The following SETD2 variants were observed in gnomAD, a reference collection of about 807,000 sequenced individuals.
SETD2 encodes histone-lysine N-methyltransferase SETD2.
Under a neutral mutation model 242.1 loss-of-function variants are expected in SETD2, and 31 were observed. The ratio of observed to expected loss-of-function variants is 0.13; its 90% CI spans 0.10 to 0.17. SETD2 has a LOEUF of 0.17. Ranked by LOEUF, SETD2 falls within the 10% of genes least tolerant of loss-of-function variation. SETD2 has a pLI of 1.00. For synonymous variants in SETD2, 1,006 were observed against 1,066.5 expected (o/e 0.94, Z 1.11); for missense variants, 2,481 against 3,046.3 (o/e 0.81, Z 4.37).
intron 18 of SETD2, among the ~76,000 whole-genome samples, chr3:47,033,650 T>G (rs2038874321): frequency 7.7e-6 from 1 of 129,664 alleles, no homozygotes. Context: ...TGTCATGGTT[T>G]GATTTTTTTT....
intron 6 of SETD2, among the ~76,000 whole-genome samples, chr3:47,105,238 C>T (rs1447253929): frequency 6.6e-6 from 1 of 151,792 alleles, no homozygotes; most frequent in African/African-American, 2.4e-5. Flanking sequence ...GGCAAAACCC[C>T]GTCTCTACTA....
intron 9 of SETD2, among the ~76,000 whole-genome samples, chr3:47,093,579 T>C (rs936830636): frequency 6.6e-6 from 1 of 152,138 alleles, no homozygotes; most frequent in Non-Finnish European, 1.5e-5. Flanking sequence ...CCACTGCGCC[T>C]GGCCCATTCT....
chr3:47,083,265 T>C (rs892708544), intron 12 of SETD2, among the ~76,000 whole-genome samples: 4 of 152,212 alleles, frequency 2.6e-5, no homozygotes, highest in Non-Finnish European at 5.9e-5. Flanking sequence ...ACTAGTTCCA[T>C]AAAGTTGTTT....
chr3:47,072,119 TA>T (rs1324797573), intron 12 of SETD2, among the ~76,000 whole-genome samples: 1 of 151,728 alleles, frequency 6.6e-6, no homozygotes, highest in Non-Finnish European at 1.5e-5. Context: ...CCATCCTGGC[TA>T]ACACGGTGAA....
rs1575700931 is a variant in SETD2, at chr3:47,057,068, T to G, written c.6716A>C (p.Gln2239Pro). ...VAAPVEVSSSQYVAQSDGVVH... is the reference protein window; with the variant it reads ...VAAPVEVSSSPYVAQSDGVVH... ...TACACCATCACTCTGGGCCACATAC[T>G]GGGAACTGGAAACTTCCACAGGAGC... Residue 2239 changes from glutamine (Q) to proline (P), a missense_variant, in exon 15 of 21, where the codon CAG (glutamine) becomes CCG (proline). This residue lies in a region of SETD2 where 235 missense variants were observed against 293.9 expected (regional missense o/e 0.80). Transcript: ENST00000409792. 1 of 1,614,232 alleles carries G rather than the reference T, an allele frequency of 6.2e-7. No homozygotes were observed. Among genetic ancestry groups the G allele is most frequent in the Admixed American group, 1.7e-5 (1 of 60,024 alleles).
chr3:47,159,238 AC>A (rs1697409687), intron 1 of SETD2, among the ~76,000 whole-genome samples: 1 of 152,188 alleles, frequency 6.6e-6, no homozygotes. Context: ...TCCATTCCAG[AC>A]CTTTCCCCTG....
intron 5 of SETD2, 46 bp downstream of exon 5, chr3:47,113,830 C>T (rs773029992): frequency 1.3e-6 from 2 of 1,590,928 alleles, no homozygotes; most frequent in Middle Eastern, 1.7e-4. Context: ...AAGAGTGAGA[C>T]CTTGTCTCAA....
At chr3:47,039,200 T>C (rs1575671584) in intron 17 of SETD2, among the ~76,000 whole-genome samples, 1 of 151,754 alleles carries the variant, frequency 6.6e-6, no homozygotes, top group Non-Finnish European at 1.5e-5. Context: ...CACATATAAA[T>C]AAGAAATACA....
At chr3:47,143,763 T>G (rs537862215) in intron 1 of SETD2, among the ~76,000 whole-genome samples, 3 of 152,158 alleles carry the variant, frequency 2.0e-5, no homozygotes, top group Admixed American at 1.3e-4. Context: ...CAGGCTGGAG[T>G]GCAGTGGCGC....
At chr3:47,151,064 T>C (rs2043972392) in intron 1 of SETD2, among the ~76,000 whole-genome samples, 1 of 152,162 alleles carries the variant, frequency 6.6e-6, no homozygotes, top group African/African-American at 2.4e-5. Flanking sequence ...TTACTAAGCA[T>C]GTACTACCAT....
At chr3:47,061,883 T>C (rs1360131205) in intron 14 of SETD2, among the ~76,000 whole-genome samples, 7 of 152,202 alleles carry the variant, frequency 4.6e-5, no homozygotes, top group Admixed American at 3.3e-4. Context: ...CCAACCCCCA[T>C]TGCGCTCGAA....
rs138803881 is a variant in SETD2 at position 47,026,266 on chromosome 3, C to T, written c.7351-6426G>A. On this transcript the variant is annotated intron_variant, in intron 18 of 20. Coordinates refer to ENST00000409792, the MANE Select transcript of SETD2 (RefSeq NM_014159.7). Reference sequence around the variant, plus strand: ...AAAACCACAATGAGATACCATCTCACGCCAGTTAGAATGGCAATCACTAAA... The same window carrying T: ...AAAACCACAATGAGATACCATCTCATGCCAGTTAGAATGGCAATCACTAAA... Among the ~76,000 whole-genome samples, 787 of 152,326 alleles carry T rather than the reference C, an allele frequency of 5.2e-3. 1 individual carries two copies. The highest frequency in any genetic ancestry group is 8.3e-3 in the Non-Finnish European group (567 of 68,036).
chr3:47,127,379 A>G (rs992464138), intron 1 of SETD2, among the ~76,000 whole-genome samples: 4 of 151,214 alleles, frequency 2.6e-5, no homozygotes, highest in Non-Finnish European at 5.9e-5. Context: ...TGAAGAGACG[A>G]TTCGTTTTTG....
chr3:47,157,398 C>T (rs546809589), intron 1 of SETD2, among the ~76,000 whole-genome samples: 3 of 152,120 alleles, frequency 2.0e-5, no homozygotes, highest in African/African-American at 7.2e-5. Flanking sequence ...CAGAACAAGT[C>T]CCTAAAAATA....
chr3:47,078,740 G>GT (rs1033135850), intron 12 of SETD2, among the ~76,000 whole-genome samples: 70 of 148,950 alleles, frequency 4.7e-4, no homozygotes, highest in East Asian at 1.2e-3. Context: ...GTTTTGTTTT[G>GT]TTTTTTTTTA....
At chr3:47,054,302 G>T (rs2039966279) in intron 15 of SETD2, among the ~76,000 whole-genome samples, 1 of 152,084 alleles carries the variant, frequency 6.6e-6, no homozygotes, top group African/African-American at 2.4e-5. Flanking sequence ...TTTCTCATTG[G>T]GAAGGAATAA....
intron 19 of SETD2, 87 bp downstream of exon 19, chr3:47,019,673 G>T: frequency 8.9e-7 from 1 of 1,129,746 alleles, no homozygotes; most frequent in Non-Finnish European, 1.3e-6. Context: ...TTGGGGCAAA[G>T]GAGATATTCG....
chr3:47,085,685 T>C (rs2041522435), intron 11 of SETD2, among the ~76,000 whole-genome samples: 1 of 152,192 alleles, frequency 6.6e-6, no homozygotes, highest in Admixed American at 6.5e-5. Context: ...AGTTAGAAAA[T>C]TTTATTAATT....
rs776618418 is a variant in SETD2, at chr3:47,122,293, C to T, written c.2343G>A (p.Thr781=). ...SKTVVKEPVD[T]RVSCCKTKDS... ...CTTTGGTTTTGCAGCAAGAAACCCT[C>T]GTATCAACTGGTTCTTTAACTACTG... The change falls in exon 3 of 21, where the codon ACG becomes ACA. Residue 781 remains threonine, a synonymous_variant. Transcript: ENST00000409792. 5.0e-6 allele frequency: 8 copies of T among 1,614,094 alleles called. No individual in the cohort carries two copies. Among genetic ancestry groups the T allele is most frequent in the African/African-American group, 2.7e-5 (2 of 75,048 alleles).
Sources: allele counts gnomAD v4.1 joint callset (sites outside exome capture counted in the v4.1 genomes callset), GRCh38; gene constraint gnomAD v4.1.1; regional missense constraint gnomAD v4.1.1; transcripts MANE v1.5; gene names NCBI Gene and HGNC (gene_info 2026-07-23, HGNC 2026-07-21).